The following GRIN2A variants were observed in gnomAD, a reference collection of about 807,000 sequenced individuals.
The protein encoded by GRIN2A is glutamate ionotropic receptor NMDA type subunit 2A, also known as glutamate receptor ionotropic, NMDA 2A.
GRIN2A carries 22 observed loss-of-function variants against 113.4 expected under a neutral mutation model. The observed-to-expected ratio is 0.19, with a 90% CI of 0.14 to 0.28. The LOEUF (loss-of-function observed/expected upper bound fraction) is 0.28, where lower values mean the gene tolerates loss of function less well. Ranked by LOEUF, GRIN2A falls within the 10% of genes least tolerant of loss-of-function variation. The pLI, the probability that GRIN2A is intolerant of heterozygous loss-of-function variation, is 1.00. For synonymous variants in GRIN2A, 827 were observed against 738.4 expected (o/e 1.12, Z -1.94); for missense variants, 1,502 against 1,887.0 (o/e 0.80, Z 3.78).
At chr16:9,823,115 C>G (rs998176293) in intron 9 of GRIN2A, among the ~76,000 whole-genome samples, 7 of 152,200 alleles carry the variant, frequency 4.6e-5, no homozygotes, top group Non-Finnish European at 8.8e-5. Context: ...TCAAGCCCCC[C>G]ATAAAGGCCT....
chr16:9,936,132 G>C (rs1379900586), intron 3 of GRIN2A, among the ~76,000 whole-genome samples: 1 of 152,110 alleles, frequency 6.6e-6, no homozygotes, highest in Non-Finnish European at 1.5e-5. Flanking sequence ...ACAATCTCTA[G>C]AACATTGGTC....
chr16:10,134,929 A>C (rs1013831608), intron 2 of GRIN2A, among the ~76,000 whole-genome samples: 1 of 59,074 alleles, frequency 1.7e-5, no homozygotes, highest in African/African-American at 5.3e-5. Flanking sequence ...TTATCTTTCC[A>C]ACGAACTAGC....
At chr16:9,827,206 C>A (rs574407380) in intron 9 of GRIN2A, among the ~76,000 whole-genome samples, 1 of 152,232 alleles carries the variant, frequency 6.6e-6, no homozygotes, top group Admixed American at 6.5e-5. Context: ...AAACATTATA[C>A]GGCTGGCTGG....
Position 9,763,247 on chromosome 16 carries a change from C to T in GRIN2A, c.4297G>A (p.Ala1433Thr), listed in dbSNP as rs2141124898. ...GTAGAGTACATATTATTCTTATTTG[C>T]AGCATAAGGCATAACATGCTCCGAA... ...YISEHVMPYA[A>T]NKNNMYSTPR... The change falls in exon 13 of 13, where the codon GCA (alanine) becomes ACA (threonine). Residue 1433 changes from alanine (A) to threonine (T), a missense_variant. Around this residue, in one of 7 missense-constraint regions of GRIN2A, gnomAD observed 832 missense variants for 789.7 expected, o/e 1.05. Transcript: ENST00000330684. 1 of 1,614,034 alleles carries T rather than the reference C, an allele frequency of 6.2e-7. No individual in the cohort carries two copies. The highest frequency in any genetic ancestry group is 8.5e-7 in the Non-Finnish European group (1 of 1,179,906).
chr16:9,808,714 A>G (rs936395522), intron 10 of GRIN2A, among the ~76,000 whole-genome samples: 1 of 152,204 alleles, frequency 6.6e-6, no homozygotes, highest in Admixed American at 6.5e-5. Flanking sequence ...CTGCACCAAG[A>G]GGCCACTCAG....
chr16:10,007,066 C>T (rs925892928), intron 2 of GRIN2A, among the ~76,000 whole-genome samples: 2 of 152,186 alleles, frequency 1.3e-5, no homozygotes, highest in Non-Finnish European at 2.9e-5. Flanking sequence ...CAAATGTTGG[C>T]TATTATGAAT....
intron 3 of GRIN2A, among the ~76,000 whole-genome samples, chr16:9,900,045 A>T (rs1472871914): frequency 6.6e-6 from 1 of 152,236 alleles, no homozygotes; most frequent in Non-Finnish European, 1.5e-5. Flanking sequence ...GTCTAATGAG[A>T]TACACAACGT....
chr16:10,092,114 C>A (rs1178789847), intron 2 of GRIN2A, among the ~76,000 whole-genome samples: 1 of 152,150 alleles, frequency 6.6e-6, no homozygotes, highest in African/African-American at 2.4e-5. Context: ...CCAGTCTAGT[C>A]CTTTCAACAA....
intron 2 of GRIN2A, among the ~76,000 whole-genome samples, chr16:9,985,488 C>T (rs2045963528): frequency 6.6e-6 from 1 of 152,052 alleles, no homozygotes; most frequent in Non-Finnish European, 1.5e-5. Flanking sequence ...TACATATACA[C>T]AATGGAGTAC....
chr16:9,798,263 A>AC lies in GRIN2A; in HGVS notation c.2356+13dup. The stretch of plus-strand genomic sequence containing the variant: ...TCAAGTCCCCCTAAAGAAAGGGGTC[A>AC]CCCGGGGTCTTACCATCACCCACAA... On this transcript the variant is annotated intron_variant, in intron 11 of 12. Transcript: ENST00000330684. 4 of 1,609,392 alleles carry AC rather than the reference A, an allele frequency of 2.5e-6. No individual in the cohort carries two copies. Among genetic ancestry groups the AC allele is most frequent in the Non-Finnish European group, 3.4e-6 (4 of 1,176,058 alleles).
chr16:10,021,990 A>T (rs1030145480), intron 2 of GRIN2A, among the ~76,000 whole-genome samples: 5 of 152,150 alleles, frequency 3.3e-5, no homozygotes, highest in African/African-American at 4.8e-5. Flanking sequence ...AGTAATGGTC[A>T]TAATACCTAT....
At chr16:9,973,695 T>C (rs1038666550) in intron 2 of GRIN2A, among the ~76,000 whole-genome samples, 2 of 151,996 alleles carry the variant, frequency 1.3e-5, no homozygotes, top group Non-Finnish European at 2.9e-5. Flanking sequence ...ACATTATATA[T>C]AGAGAACAAT....
chr16:9,769,451 C>CTTTTTTTTTTTTTTTTTTTGGTTTTTTTT (rs1901124756), intron 11 of GRIN2A, among the ~76,000 whole-genome samples: 1 of 104,890 alleles, frequency 9.5e-6, no homozygotes, highest in Non-Finnish European at 1.9e-5. Flanking sequence ...GGAGTTTTGT[C>CTTTTTTTTTTTTTTTTTTTGGTTTTTTTT]TTTTTTTTTT....
chr16:9,785,015 G>C (rs894328560), intron 11 of GRIN2A, among the ~76,000 whole-genome samples: 16 of 152,216 alleles, frequency 1.1e-4, no homozygotes, highest in African/African-American at 3.4e-4. Context: ...TTCAACCATT[G>C]TGGAAGTCAG....
intron 11 of GRIN2A, among the ~76,000 whole-genome samples, chr16:9,773,423 C>G (rs957526688): frequency 6.6e-6 from 1 of 152,166 alleles, no homozygotes; most frequent in Admixed American, 6.5e-5. Context: ...GCCAGTTTCT[C>G]CTATTAAAAA....
intron 2 of GRIN2A, among the ~76,000 whole-genome samples, chr16:10,006,341 A>G (rs943704576): frequency 1.4e-4 from 22 of 152,332 alleles, no homozygotes; most frequent in Non-Finnish European, 2.2e-4. Context: ...TTTTTTAGAC[A>G]GTGAGAAGAG....
Position 9,764,741 on chromosome 16 carries a change from C to A in GRIN2A, c.2803G>T (p.Val935Phe), listed in dbSNP as rs1335676858. 6.2e-7 allele frequency: 1 copy of A among 1,614,124 alleles called. No homozygotes were observed. The highest frequency in any genetic ancestry group is 1.3e-5 in the African/African-American group (1 of 74,938). The change falls in exon 13 of 13, where the codon GTT becomes TTT. Residue 935 changes from valine to phenylalanine, a missense_variant. By Grantham distance (50) the Val-to-Phe change is conservative. Transcript: ENST00000330684. ...IQRGSLIMDMVSDKGNLMYSD... is the reference protein window; with the variant it reads ...IQRGSLIMDMFSDKGNLMYSD... ...TACATCAAATTCCCCTTATCTGAAA[C>A]CATGTCCATGATGAGGGAACCTCTT...
intron 10 of GRIN2A, among the ~76,000 whole-genome samples, chr16:9,798,906 C>G (rs974264679): frequency 1.3e-5 from 2 of 152,168 alleles, no homozygotes; most frequent in Admixed American, 1.3e-4. Context: ...AATACATGTG[C>G]TGCTTATTTA....
chr16:9,951,689 T>C (rs2045186514), intron 2 of GRIN2A, among the ~76,000 whole-genome samples: 1 of 152,218 alleles, frequency 6.6e-6, no homozygotes, highest in African/African-American at 2.4e-5. Flanking sequence ...GGTTTGTTTT[T>C]TTCTCCGAAG....
Sources: allele counts gnomAD v4.1 joint callset (sites outside exome capture counted in the v4.1 genomes callset), GRCh38; gene constraint gnomAD v4.1.1; regional missense constraint gnomAD v4.1.1; transcripts MANE v1.5; gene names NCBI Gene and HGNC (gene_info 2026-07-23, HGNC 2026-07-21).